Variants in RAB9B observed in about 807,000 individuals in gnomAD.
The protein encoded by RAB9B is ras-related protein Rab-9B.
In RAB9B, 1 loss-of-function variant was observed where a neutral mutation model predicts 8.9. The observed-to-expected ratio is 0.11, with a 90% CI of 0.04 to 0.53. RAB9B has a LOEUF of 0.53. Ranked by LOEUF, RAB9B falls within the 20% of genes least tolerant of loss-of-function variation. The probability of loss-of-function intolerance (pLI) is 0.93; values close to 1 mark genes in which losing one functional copy is unlikely to be tolerated. For missense variants in RAB9B, 82 were observed against 152.9 expected, an observed-to-expected ratio of 0.54 and a Z score of 2.45; for synonymous variants, 63 against 57.0, an observed-to-expected ratio of 1.10 and a Z score of -0.47.
the RAB9B span, chrX:103,786,615 C>T: frequency 6.6e-6 from 8 of 1,209,570 alleles, no homozygotes; most frequent in African/African-American, 7.0e-5. Flanking sequence ...AGGGCCTGAG[C>T]GCAACGGTAA....
chrX:103,799,794 T>C, the RAB9B span, among the ~76,000 whole-genome samples: 1 of 112,149 alleles, frequency 8.9e-6, no homozygotes, highest in African/African-American at 3.2e-5. Flanking sequence ...TGAGTAACAT[T>C]TTAAAATGAG....
the RAB9B span, chrX:103,776,674 C>A: frequency 6.9e-6 from 2 of 291,136 alleles, no homozygotes; most frequent in African/African-American, 2.7e-5. Flanking sequence ...AAAGGAAAAA[C>A]AAAGAAAATG....
chrX:103,810,017 T>A, the RAB9B span, among the ~76,000 whole-genome samples: 10 of 111,315 alleles, frequency 9.0e-5, no homozygotes, highest in South Asian at 3.8e-3. Context: ...GGCCTCAACT[T>A]TGTGGCGCTT....
chrX:103,781,388 A>G, the RAB9B span: 5,123 of 287,415 alleles, frequency 0.018, 217 homozygotes, highest in African/African-American at 0.12. Context: ...TGGAGTATCA[A>G]CTATCACAGA....
chrX:103,815,200 CT>C, the RAB9B span, among the ~76,000 whole-genome samples: 3 of 112,243 alleles, frequency 2.7e-5, no homozygotes, highest in African/African-American at 9.7e-5. Flanking sequence ...CAACAAAATA[CT>C]GGCAAACCGA....
At chrX:103,818,668 A>T (rs1394114597), downstream of RAB9B, among the ~76,000 whole-genome samples, 1 of 111,725 alleles carries the variant, frequency 9.0e-6, no homozygotes, top group African/African-American at 3.2e-5. Flanking sequence ...TGTCTTAGAG[A>T]AAAGTTAAGT....
At chrX:103,786,849 C>T in the RAB9B span, 868 of 734,558 alleles carry the variant, frequency 1.2e-3, 4 homozygotes, top group South Asian at 9.7e-3. Context: ...AGTGAGGAAG[C>T]GATGGCTGCA....
At chrX:103,820,848 G>T (rs769772430), downstream of RAB9B, among the ~76,000 whole-genome samples, 81 of 109,894 alleles carry the variant, frequency 7.4e-4, 1 homozygote, top group Non-Finnish European at 4.4e-4. Flanking sequence ...TATTAGGGAG[G>T]CTGAGGCATG....
At chrX:103,786,101 C>T in the RAB9B span, 1 of 1,076,749 alleles carries the variant, frequency 9.3e-7, no homozygotes, top group Middle Eastern at 2.6e-4. Flanking sequence ...CTAAGCCTCT[C>T]CTGTTCCTAG....
At chrX:103,817,475 T>C (rs748985479), downstream of RAB9B, among the ~76,000 whole-genome samples, 2 of 110,155 alleles carry the variant, frequency 1.8e-5, no homozygotes, top group Non-Finnish European at 3.8e-5. Flanking sequence ...AACTACCTAA[T>C]GTAGGTGATG....
the RAB9B span, chrX:103,788,444 C>G: frequency 8.3e-7 from 1 of 1,206,289 alleles, no homozygotes; most frequent in Non-Finnish European, 1.1e-6. Context: ...TAGGTGTTCT[C>G]CCATGGAATG....
chrX:103,786,200 G>A, the RAB9B span: 1 of 1,134,562 alleles, frequency 8.8e-7, no homozygotes, highest in Non-Finnish European at 1.2e-6. Flanking sequence ...GGTGGGGCAG[G>A]GAGAGTAGGT....
the RAB9B span, among the ~76,000 whole-genome samples, chrX:103,802,107 T>C: frequency 5.5e-5 from 6 of 109,931 alleles, no homozygotes; most frequent in Non-Finnish European, 9.5e-5. Context: ...GATACCAGCA[T>C]GTTTAAGGAC....
At chrX:103,776,688 C>T in the RAB9B span, 1 of 302,408 alleles carries the variant, frequency 3.3e-6, no homozygotes, top group Non-Finnish European at 5.8e-6. Context: ...GAAAATGAAA[C>T]AATTGGCAGT....
At chrX:103,786,795 C>T in the RAB9B span, 8 of 1,093,838 alleles carry the variant, frequency 7.3e-6, no homozygotes, top group South Asian at 9.3e-5. Context: ...TCTGTGGCCT[C>T]GTCCCCACCC....
At chrX:103,787,944 C>T in the RAB9B span, 11 of 1,208,217 alleles carry the variant, frequency 9.1e-6, no homozygotes, top group Non-Finnish European at 2.2e-6. Context: ...TAGGCAGTCT[C>T]TGTGCTGATG....
chrX:103,829,958 T>C (rs1013626586), intron 1 of RAB9B, among the ~76,000 whole-genome samples: 3 of 111,426 alleles, frequency 2.7e-5, no homozygotes, highest in African/African-American at 3.3e-5. Flanking sequence ...CAAGGTACAA[T>C]AGATCCATAG....
rs1218306367 is a variant in RAB9B at position 103,824,565 on chromosome X, T to C, written c.*614A>G. ...GCCAGTGTCATTAGAGTATCTCTTA[T>C]TGAGATGGGATTTTTTGAAAAGCTC... On this transcript the variant is annotated 3_prime_UTR_variant, in exon 3 of 3. Coordinates refer to ENST00000243298, the MANE Select transcript of RAB9B (RefSeq NM_016370.4). The C allele has an allele frequency of 8.9e-6, 1 of 112,274 alleles. No individual in the cohort carries two copies. The highest frequency in any genetic ancestry group is 1.9e-5 in the Non-Finnish European group (1 of 53,269). The allele number at this position is 112,274 out of a possible 1,213,427, so 9.3% of individuals were successfully genotyped here.
At chrX:103,778,077 G>A in the RAB9B span, among the ~76,000 whole-genome samples, 3 of 111,821 alleles carry the variant, frequency 2.7e-5, no homozygotes, top group South Asian at 3.8e-4. Flanking sequence ...GGAGAGCACT[G>A]GACAGGGAGT....
Sources: gnomAD v4.1 joint callset for allele counts (sites outside exome capture counted in the v4.1 genomes callset) on GRCh38, gnomAD v4.1.1 for gene constraint, MANE v1.5 for transcripts, NCBI Gene and HGNC (gene_info 2026-07-23, HGNC 2026-07-21) for gene names.